Variants in GRM7 observed in about 807,000 individuals in gnomAD.
The protein encoded by GRM7 is metabotropic glutamate receptor 7.
GRM7 carries 35 observed loss-of-function variants against 84.5 expected under a neutral mutation model. That is an observed-to-expected ratio of 0.41 (90% confidence interval 0.32 to 0.55). GRM7 has a LOEUF of 0.55. Among genes scored for constraint, GRM7 ranks in the 20% least tolerant of loss-of-function variants. GRM7 has a pLI of 0.19. For synonymous variants in GRM7, 487 were observed against 455.1 expected, an observed-to-expected ratio of 1.07 and a Z score of -0.89; for missense variants, 1,003 against 1,194.6, an observed-to-expected ratio of 0.84 and a Z score of 2.36.
At chr3:7,210,573 A>T (rs945575562) in intron 2 of GRM7, among the ~76,000 whole-genome samples, 1 of 151,758 alleles carries the variant, frequency 6.6e-6, no homozygotes, top group African/African-American at 2.4e-5. Context: ...TTTAATGGAA[A>T]TTTTTTTTTG....
chr3:7,321,313 C>A (rs1211171179), intron 4 of GRM7, among the ~76,000 whole-genome samples: 1 of 152,010 alleles, frequency 6.6e-6, no homozygotes, highest in African/African-American at 2.4e-5. Context: ...GTACTTCTAA[C>A]TATAAACTTA....
chr3:7,115,754 C>T (rs1343087822), intron 1 of GRM7, among the ~76,000 whole-genome samples: 1 of 152,066 alleles, frequency 6.6e-6, no homozygotes, highest in Non-Finnish European at 1.5e-5. Context: ...CACATTATTC[C>T]AGATTAATTC....
chr3:7,407,307 T>A (rs779866), intron 4 of GRM7, among the ~76,000 whole-genome samples: 97,368 of 151,982 alleles, frequency 0.64, 32,222 homozygotes, highest in African/African-American at 0.81. Flanking sequence ...TAAATCATCC[T>A]CTAGAGGGAT....
At chr3:6,871,926 T>TA (rs1005968198) in intron 1 of GRM7, among the ~76,000 whole-genome samples, 1 of 151,794 alleles carries the variant, frequency 6.6e-6, no homozygotes, top group African/African-American at 2.4e-5. Flanking sequence ...AAATTAAGAT[T>TA]AAAAAAAATC....
At chr3:6,894,985 A>G (rs1307394231) in intron 1 of GRM7, among the ~76,000 whole-genome samples, 1 of 152,130 alleles carries the variant, frequency 6.6e-6, no homozygotes, top group African/African-American at 2.4e-5. Context: ...ACAAGTAACA[A>G]TTTCATAATC....
intron 4 of GRM7, among the ~76,000 whole-genome samples, chr3:7,385,503 T>C (rs1001044495): frequency 6.6e-6 from 1 of 151,924 alleles, no homozygotes; most frequent in Non-Finnish European, 1.5e-5. Context: ...GGTTTCACCA[T>C]GTTATGCAGG....
intron 7 of GRM7, among the ~76,000 whole-genome samples, chr3:7,462,334 G>A (rs1378831650): frequency 6.6e-6 from 1 of 152,030 alleles, no homozygotes; most frequent in Admixed American, 6.6e-5. Context: ...TGAAATAATT[G>A]GGTAAGACTC....
intron 8 of GRM7, among the ~76,000 whole-genome samples, chr3:7,583,858 C>T (rs1208080855): frequency 1.3e-5 from 2 of 152,120 alleles, no homozygotes; most frequent in Non-Finnish European, 2.9e-5. Context: ...GTGTACTGTG[C>T]CCTTGGTACT....
intron 7 of GRM7, among the ~76,000 whole-genome samples, chr3:7,504,345 C>T (rs1418610304): frequency 6.6e-6 from 1 of 152,206 alleles, no homozygotes; most frequent in African/African-American, 2.4e-5. Flanking sequence ...CTCAGTTCTC[C>T]AATCAGCTGC....
At chr3:7,558,791 C>T (rs1467885915) in intron 7 of GRM7, among the ~76,000 whole-genome samples, 1 of 152,032 alleles carries the variant, frequency 6.6e-6, no homozygotes, top group African/African-American at 2.4e-5. Flanking sequence ...TAGTGCTATC[C>T]ATAAGGCTAA....
At chr3:7,007,620 A>T (rs1695227444) in intron 1 of GRM7, among the ~76,000 whole-genome samples, 1 of 152,110 alleles carries the variant, frequency 6.6e-6, no homozygotes, top group Admixed American at 6.5e-5. Flanking sequence ...CTCAGTTGCC[A>T]ACTCCTGTCT....
chr3:6,897,677 A>C (rs1026945771), intron 1 of GRM7, among the ~76,000 whole-genome samples: 1 of 152,240 alleles, frequency 6.6e-6, no homozygotes, highest in East Asian at 1.9e-4. Context: ...GACACATTTC[A>C]CATAAAGGTA....
At chr3:7,539,496 T>C (rs1340548547) in intron 7 of GRM7, among the ~76,000 whole-genome samples, 1 of 151,556 alleles carries the variant, frequency 6.6e-6, no homozygotes, top group East Asian at 1.9e-4. Flanking sequence ...CAAAAGATGG[T>C]GAAACCCCGT....
At chr3:7,554,513 C>T (rs566009039) in intron 7 of GRM7, among the ~76,000 whole-genome samples, 6 of 152,276 alleles carry the variant, frequency 3.9e-5, no homozygotes, top group African/African-American at 1.2e-4. Flanking sequence ...TAATTGTAAT[C>T]AGTGCTATGG....
At chr3:7,248,135 A>T (rs1697843242) in intron 2 of GRM7, among the ~76,000 whole-genome samples, 1 of 152,214 alleles carries the variant, frequency 6.6e-6, no homozygotes. Context: ...TTTTAAAATA[A>T]TGAAAGCATG....
chr3:7,442,298 C>T (rs1041653743), intron 5 of GRM7, among the ~76,000 whole-genome samples: 4 of 152,056 alleles, frequency 2.6e-5, no homozygotes. Context: ...AGAAATGCTA[C>T]TAATTTTCAT....
chr3:7,304,244 G>T (rs1251534745), intron 3 of GRM7, among the ~76,000 whole-genome samples: 4 of 144,030 alleles, frequency 2.8e-5, no homozygotes, highest in Non-Finnish European at 4.5e-5. Flanking sequence ...TGTGTTAAAT[G>T]TTAAAATTTT....
intron 1 of GRM7, among the ~76,000 whole-genome samples, chr3:7,050,578 A>G (rs1199938439): frequency 6.6e-6 from 1 of 151,908 alleles, no homozygotes; most frequent in East Asian, 1.9e-4. Context: ...TAAAGTGCTG[A>G]AAAATAAATC....
intron 2 of GRM7, among the ~76,000 whole-genome samples, 199 bp downstream of exon 2, chr3:7,146,867 G>C (rs1037058702): frequency 6.6e-6 from 1 of 151,910 alleles, no homozygotes; most frequent in African/African-American, 2.4e-5. Context: ...GATCCCTTGA[G>C]TACTAATAGA....
Sources: gnomAD v4.1 joint callset for allele counts (sites outside exome capture counted in the v4.1 genomes callset) on GRCh38, gnomAD v4.1.1 for gene constraint, MANE v1.5 for transcripts, NCBI Gene and HGNC (gene_info 2026-07-23, HGNC 2026-07-21) for gene names.